PTPRN2: variants seen among roughly 807,000 people sequenced by gnomAD.
The protein encoded by PTPRN2 is protein tyrosine phosphatase receptor type N2.
PTPRN2 carries 74 observed loss-of-function variants against 118.8 expected under a neutral mutation model. The observed-to-expected ratio is 0.62, with a 90% CI of 0.52 to 0.76. PTPRN2 has a LOEUF of 0.76. PTPRN2 is among the 30% of genes least tolerant of loss of function. PTPRN2 has a pLI of 0.00. For synonymous variants in PTPRN2, 641 were observed against 608.0 expected, an observed-to-expected ratio of 1.05 and a Z score of -0.80; for missense variants, 1,481 against 1,394.4, an observed-to-expected ratio of 1.06 and a Z score of -0.99.
intron 3 of PTPRN2, among the ~76,000 whole-genome samples, chr7:158,303,570 A>C (rs1801055700): frequency 6.6e-6 from 1 of 152,236 alleles, no homozygotes; most frequent in South Asian, 2.1e-4. Context: ...AAACCTTAAA[A>C]CAGCTGGATA....
At chr7:157,698,540 T>G (rs1477387570) in intron 12 of PTPRN2, among the ~76,000 whole-genome samples, 1 of 152,236 alleles carries the variant, frequency 6.6e-6, no homozygotes, top group Non-Finnish European at 1.5e-5. Flanking sequence ...TTTAGACTTT[T>G]CTTCCCCAAA....
chr7:158,131,807 CACACAAAT>C (rs1818337261), intron 9 of PTPRN2, among the ~76,000 whole-genome samples: 1 of 151,194 alleles, frequency 6.6e-6, no homozygotes, highest in South Asian at 2.1e-4. Context: ...CATACACACA[CACACAAAT>C]ACGCAAATAC....
rs144059641 is a variant in PTPRN2, at chr7:158,007,045, C to G, written c.1723+74253G>C. On this transcript the variant is annotated intron_variant, in intron 11 of 22. Coordinates refer to ENST00000389418, the MANE Select transcript of PTPRN2 (RefSeq NM_002847.5). ...CGGGCTTCGGTTTCTCCTGAGACTG[C>G]GCAGGCTGGCGGGCGGCCGTCTCCT... 5.9e-5 allele frequency among the ~76,000 whole-genome samples: 9 copies of G among 152,188 alleles called. No individual in the cohort carries two copies. In the East Asian group the frequency reaches 1.7e-3, roughly 29 times the overall value.
chr7:158,464,133 TCAC>T (rs1444283466), intron 2 of PTPRN2, among the ~76,000 whole-genome samples: 3 of 90,282 alleles, frequency 3.3e-5, no homozygotes, highest in Non-Finnish European at 6.7e-5. Context: ...TAATCCTTCA[TCAC>T]CACCGTCATC....
intron 5 of PTPRN2, 119 bp from the exon 6 acceptor site, chr7:158,167,410 G>A: frequency 1.4e-5 from 19 of 1,311,226 alleles, no homozygotes. Context: ...GTACAAAGAT[G>A]CCCTTCGGTC....
intron 6 of PTPRN2, among the ~76,000 whole-genome samples, chr7:158,156,595 C>T (rs1483007070): frequency 6.6e-6 from 1 of 152,198 alleles, no homozygotes; most frequent in African/African-American, 2.4e-5. Flanking sequence ...GGCAGGTGAA[C>T]ACACAGCTGC....
At chr7:158,245,272 C>T (rs368564289) in intron 3 of PTPRN2, among the ~76,000 whole-genome samples, 1 of 150,244 alleles carries the variant, frequency 6.7e-6, no homozygotes, top group South Asian at 2.1e-4. Flanking sequence ...ACGGTCATGC[C>T]GGAACCCATG....
chr7:158,416,706 G>A (rs1049535474), intron 2 of PTPRN2, among the ~76,000 whole-genome samples: 6 of 152,218 alleles, frequency 3.9e-5, no homozygotes, highest in Non-Finnish European at 7.3e-5. Context: ...CAGCCTGCTG[G>A]GAAACATAGA....
intron 2 of PTPRN2, among the ~76,000 whole-genome samples, chr7:158,424,619 G>A (rs1432877083): frequency 6.6e-6 from 1 of 152,266 alleles, no homozygotes; most frequent in Non-Finnish European, 1.5e-5. Context: ...GTCAGAAAAT[G>A]CTCTTCAAAC....
At chr7:157,846,612 A>G in intron 12 of PTPRN2, among the ~76,000 whole-genome samples, 1 of 152,178 alleles carries the variant, frequency 6.6e-6, no homozygotes, top group Non-Finnish European at 1.5e-5. Flanking sequence ...GTCATGGATC[A>G]TCATCCCTGT....
chr7:158,501,156 C>T (rs182891048), intron 1 of PTPRN2, among the ~76,000 whole-genome samples: 34 of 152,352 alleles, frequency 2.2e-4, no homozygotes, highest in Admixed American at 3.9e-4. Flanking sequence ...CATTTTCGTG[C>T]CTTCCCAGGC....
chr7:158,492,114 G>A lies in PTPRN2; in HGVS notation c.113-2329C>T, dbSNP rs555000320. The stretch of plus-strand genomic sequence containing the variant: ...AGCCTCAGCTGTGAGGGCCCCTCCC[G>A]CCCCAGGCACACAGAGGCGCACAGA... On this transcript the variant is annotated intron_variant, in intron 1 of 22. Coordinates refer to ENST00000389418, the MANE Select transcript of PTPRN2 (RefSeq NM_002847.5). 7.9e-4 allele frequency among the ~76,000 whole-genome samples: 120 copies of A among 152,274 alleles called. 1 individual carries two copies. In the South Asian group the frequency reaches 0.02, roughly 26 times the overall value.
At chr7:157,703,741 G>A (rs1009625144) in intron 12 of PTPRN2, among the ~76,000 whole-genome samples, 2 of 152,066 alleles carry the variant, frequency 1.3e-5, no homozygotes, top group Non-Finnish European at 2.9e-5. Flanking sequence ...CTCACTCCCC[G>A]CGGCCGCTTG....
rs939201125 is a variant in PTPRN2 at position 157,845,481 on chromosome 7, A to G, written c.1788+53192T>C. The stretch of plus-strand genomic sequence containing the variant: ...CACAGCCTAACTCACCATGTTCCCG[A>G]CCACACCCTGGTGAACCACGCAGCC... On this transcript the variant is annotated intron_variant, in intron 12 of 22. Transcript: ENST00000389418. The surrounding 1 kb of genome is among the most constrained non-coding windows in gnomAD (Gnocchi z 4.5). 2.0e-5 allele frequency among the ~76,000 whole-genome samples: 3 copies of G among 150,142 alleles called. No individual in the cohort carries two copies. Among genetic ancestry groups the G allele is most frequent in the East Asian group, 2.0e-4 (1 of 5,108 alleles).
At chr7:158,337,292 A>G (rs1475759724) in intron 2 of PTPRN2, among the ~76,000 whole-genome samples, 189 of 150,934 alleles carry the variant, frequency 1.3e-3, no homozygotes, top group African/African-American at 4.3e-3. Context: ...CTCTCACCAT[A>G]AGAGCTGTCA....
intron 9 of PTPRN2, among the ~76,000 whole-genome samples, chr7:158,130,201 C>T (rs1401472650): frequency 2.6e-5 from 4 of 152,232 alleles, no homozygotes; most frequent in African/African-American, 4.8e-5. Context: ...AGCCCGAGCA[C>T]TGCGAGGCTC....
At chr7:158,144,775 C>G (rs1316239672) in intron 6 of PTPRN2, among the ~76,000 whole-genome samples, 1 of 152,218 alleles carries the variant, frequency 6.6e-6, no homozygotes, top group African/African-American at 2.4e-5. Flanking sequence ...ACAGCAAACA[C>G]CGTCACTGTC....
intron 3 of PTPRN2, among the ~76,000 whole-genome samples, chr7:158,304,001 A>G (rs1801086485): frequency 6.6e-6 from 1 of 152,256 alleles, no homozygotes; most frequent in Non-Finnish European, 1.5e-5. Flanking sequence ...CACACTAGGG[A>G]GGCATAAGAC....
chr7:157,582,163 T>A (rs990417770), intron 17 of PTPRN2, among the ~76,000 whole-genome samples: 1 of 152,216 alleles, frequency 6.6e-6, no homozygotes, highest in African/African-American at 2.4e-5. Context: ...AACCTCACTC[T>A]CTTCTTCACC....
Sources: gnomAD v4.1 joint callset for allele counts (sites outside exome capture counted in the v4.1 genomes callset) on GRCh38, gnomAD v4.1.1 for gene constraint, Gnocchi (gnomAD v3.1) non-coding constraint, MANE v1.5 for transcripts, NCBI Gene and HGNC (gene_info 2026-07-23, HGNC 2026-07-21) for gene names.